Variants in ADAM18 observed in about 807,000 individuals in gnomAD.
The protein encoded by ADAM18 is disintegrin and metalloproteinase domain-containing protein 18.
Under a neutral mutation model 94.4 loss-of-function variants are expected in ADAM18, and 117 were observed. That is an observed-to-expected ratio of 1.24 (90% confidence interval 1.07 to 1.45). The LOEUF (loss-of-function observed/expected upper bound fraction) is 1.45, where lower values mean the gene tolerates loss of function less well. ADAM18 is among the 40% of genes most tolerant of loss of function. The pLI is 0.00. For synonymous variants in ADAM18, 327 were observed against 291.6 expected, an observed-to-expected ratio of 1.12 and a Z score of -1.24; for missense variants, 936 against 880.0, an observed-to-expected ratio of 1.06 and a Z score of -0.81.
At chr8:39,724,571 G>A (rs1469462270) in intron 19 of ADAM18, among the ~76,000 whole-genome samples, 1 of 151,652 alleles carries the variant, frequency 6.6e-6, no homozygotes, top group Non-Finnish European at 1.5e-5. Context: ...TTAATTACAG[G>A]TTAATATTTC....
At chr8:39,698,899 A>C (rs943919157) in intron 17 of ADAM18, among the ~76,000 whole-genome samples, 1 of 152,054 alleles carries the variant, frequency 6.6e-6, no homozygotes, top group Non-Finnish European at 1.5e-5. Flanking sequence ...TCTCCTCAGC[A>C]TCAAGAAACT....
At chr8:39,671,429 C>T (rs1287233690) in intron 14 of ADAM18, among the ~76,000 whole-genome samples, 1 of 152,184 alleles carries the variant, frequency 6.6e-6, no homozygotes, top group African/African-American at 2.4e-5. Context: ...AAGCGTGAGT[C>T]TAGAGGGCCT....
In ADAM18 at chr8:39,662,999, T is replaced by A. The variant is rs537724112; in HGVS notation, c.1231-796T>A. Reference sequence around the variant, plus strand: ...ATAGTCTTTTTTTGTTGATTTCTATTATAGTAAAACATGGTACATAAATAT... The same window carrying A: ...ATAGTCTTTTTTTGTTGATTTCTATAATAGTAAAACATGGTACATAAATAT... On this transcript the variant is annotated intron_variant, in intron 12 of 19. Coordinates refer to ENST00000265707, the MANE Select transcript of ADAM18 (RefSeq NM_014237.3). Among the ~76,000 whole-genome samples the A allele has an allele frequency of 3.3e-5, 5 of 152,336 alleles. No individual in the cohort carries two copies. The South Asian group carries it at 1.0e-3, about 32-fold the overall frequency.
In ADAM18 at chr8:39,629,478, A is replaced by G. The variant is rs527660741; in HGVS notation, c.588+39A>G. 14 of 1,355,150 alleles carry G rather than the reference A, an allele frequency of 1.0e-5. 1 individual carries two copies. In the South Asian group the frequency reaches 1.9e-4, roughly 19 times the overall value. 83.9% of individuals were successfully genotyped at this position (1,355,150 alleles called of 1,614,324 possible). ...CAAGAGGTCTTTCAAGAAGGAACTA[A>G]GTATGCTTTCAAGAAAGAACTTTCC... On this transcript the variant is annotated intron_variant, in intron 7 of 19. Coordinates refer to ENST00000265707, the MANE Select transcript of ADAM18 (RefSeq NM_014237.3).
At chr8:39,614,075 A>G (rs778809848) in intron 6 of ADAM18, among the ~76,000 whole-genome samples, 1 of 152,204 alleles carries the variant, frequency 6.6e-6, no homozygotes, top group South Asian at 2.1e-4. Context: ...TTCACAAAAT[A>G]TTTCCAAACT....
At chr8:39,676,260 G>A (rs1379947471) in intron 14 of ADAM18, among the ~76,000 whole-genome samples, 2 of 152,224 alleles carry the variant, frequency 1.3e-5, no homozygotes, top group Non-Finnish European at 2.9e-5. Context: ...CAGAGGTGGA[G>A]TCTAGAGGCA....
At chr8:39,694,448 G>A (rs560604554) in intron 17 of ADAM18, among the ~76,000 whole-genome samples, 44 of 151,210 alleles carry the variant, frequency 2.9e-4, no homozygotes, top group Non-Finnish European at 5.6e-4. Context: ...CCTGTTTTTA[G>A]TTCAATTTTT....
intron 7 of ADAM18, among the ~76,000 whole-genome samples, chr8:39,634,176 C>A (rs1444295881): frequency 6.6e-6 from 1 of 152,118 alleles, no homozygotes; most frequent in African/African-American, 2.4e-5. Flanking sequence ...TCAGCTGGGC[C>A]CAGGTACATC....
chr8:39,629,415 A>C lies in ADAM18; in HGVS notation c.564A>C (p.Ile188=). 1.3e-6 allele frequency: 2 copies of C among 1,585,374 alleles called. No homozygotes were observed. The highest frequency in any genetic ancestry group is 1.7e-6 in the Non-Finnish European group (2 of 1,163,994). The change falls in exon 7 of 20, where the codon ATA becomes ATC. Residue 188 remains isoleucine, a synonymous_variant. Coordinates refer to ENST00000265707, the MANE Select transcript of ADAM18 (RefSeq NM_014237.3). ...LSKLLPQYLE[I]YIIVEKALYD... is the part of the protein sequence containing the mutation. ...AACTATTACCCCAATATCTGGAAAT[A>C]TACATTATAGTGGAAAAAGCTTTGG...
intron 18 of ADAM18, among the ~76,000 whole-genome samples, chr8:39,707,166 G>T (rs939287093): frequency 6.6e-6 from 1 of 152,128 alleles, no homozygotes; most frequent in Non-Finnish European, 1.5e-5. Context: ...ATGATTAACT[G>T]TCCTTCCATG....
chr8:39,663,791 T>A lies in ADAM18; in HGVS notation c.1231-4T>A. The A allele has an allele frequency of 6.3e-7, 1 of 1,599,692 alleles. No individual in the cohort carries two copies. The highest frequency in any genetic ancestry group is 8.5e-7 in the Non-Finnish European group (1 of 1,171,504). On this transcript the variant is annotated splice_polypyrimidine_tract_variant and splice_region_variant and intron_variant, in intron 12 of 19. Transcript: ENST00000265707. ...TAATAATATTTCTTCCTGTAAAATTTTAGGAATGTCAATTTAAGAAGTGCT... is the reference window on the plus strand; with the variant it reads ...TAATAATATTTCTTCCTGTAAAATTATAGGAATGTCAATTTAAGAAGTGCT...
chr8:39,645,339 A>C lies in ADAM18; in HGVS notation c.911A>C (p.Tyr304Ser), dbSNP rs986426253. 1 of 1,605,064 alleles carries C rather than the reference A, an allele frequency of 6.2e-7. No homozygotes were observed. The highest frequency in any genetic ancestry group is 1.3e-5 in the African/African-American group (1 of 74,510). Residue 304 changes from tyrosine (Y) to serine (S), a missense_variant and splice_region_variant, in exon 11 of 20, where the codon TAT (tyrosine) becomes TCT (serine). Coordinates refer to ENST00000265707, the MANE Select transcript of ADAM18 (RefSeq NM_014237.3). ...TCTTTTTCATGTCTTTTATTTTAGT[A>C]TCCAGATGCAATAGGTTTGGAGGGA... ...NKSYDAGIAM[Y>S]PDAIGLEGFS...
chr8:39,729,345 A>G (rs1586023574), intron 19 of ADAM18, among the ~76,000 whole-genome samples: 1 of 152,196 alleles, frequency 6.6e-6, no homozygotes, highest in African/African-American at 2.4e-5. Flanking sequence ...TTACTACACA[A>G]AGTATTTTTA....
At chr8:39,594,395 CT>C (rs1305611238) in intron 2 of ADAM18, among the ~76,000 whole-genome samples, 3 of 152,110 alleles carry the variant, frequency 2.0e-5, no homozygotes, top group Non-Finnish European at 4.4e-5. Context: ...ATTACCCATA[CT>C]TTCCCCTCTA....
At chr8:39,629,554 C>T (rs957817695) in intron 7 of ADAM18, 115 bp downstream of exon 7, 1 of 657,600 alleles carries the variant, frequency 1.5e-6, no homozygotes, top group Middle Eastern at 2.6e-4. Flanking sequence ...TCTTTCCCTT[C>T]CTCCATTGTC....
chr8:39,596,771 T>C (rs774993867), intron 2 of ADAM18, among the ~76,000 whole-genome samples: 22 of 152,242 alleles, frequency 1.4e-4, no homozygotes, highest in Non-Finnish European at 2.6e-4. Context: ...AAAGCTGATC[T>C]ATTATTTTGC....
At chr8:39,678,517 C>T (rs1030318994) in intron 15 of ADAM18, among the ~76,000 whole-genome samples, 1 of 152,048 alleles carries the variant, frequency 6.6e-6, no homozygotes, top group East Asian at 1.9e-4. Context: ...GAGTGGGGAT[C>T]TCAGGAGGAG....
chr8:39,645,799 T>A (rs1259307521), intron 11 of ADAM18, among the ~76,000 whole-genome samples: 4 of 152,178 alleles, frequency 2.6e-5, no homozygotes, highest in Non-Finnish European at 5.9e-5. Context: ...ACAATATTTT[T>A]AATTTTCAGT....
intron 6 of ADAM18, among the ~76,000 whole-genome samples, chr8:39,622,710 T>C (rs1306451412): frequency 1.3e-5 from 2 of 152,144 alleles, no homozygotes; most frequent in Non-Finnish European, 2.9e-5. Flanking sequence ...ATTTACATCA[T>C]GCTTGTCATA....
Sources: allele counts gnomAD v4.1 joint callset (sites outside exome capture counted in the v4.1 genomes callset), GRCh38; gene constraint gnomAD v4.1.1; transcripts MANE v1.5; gene names NCBI Gene and HGNC (gene_info 2026-07-23, HGNC 2026-07-21).